CDH20: variants seen among roughly 807,000 people sequenced by gnomAD.
The protein encoded by CDH20 is cadherin-20.
In CDH20, 29 loss-of-function variants were observed where a neutral mutation model predicts 74.2. That is an observed-to-expected ratio of 0.39 (90% CI 0.29 to 0.53). The LOEUF is 0.53. Ranked by LOEUF, CDH20 falls within the 20% of genes least tolerant of loss-of-function variation. The probability of loss-of-function intolerance (pLI) is 0.69; values close to 1 mark genes in which losing one functional copy is unlikely to be tolerated. For synonymous variants in CDH20, 469 were observed against 405.4 expected, an observed-to-expected ratio of 1.16 and a Z score of -1.88; for missense variants, 988 against 1,048.3, an observed-to-expected ratio of 0.94 and a Z score of 0.79.
chr18:61,509,817 T>A (rs920329121), intron 6 of CDH20, among the ~76,000 whole-genome samples: 3 of 152,046 alleles, frequency 2.0e-5, no homozygotes, highest in African/African-American at 4.8e-5. Context: ...GTAGTGGGAA[T>A]GGAGGTGATA....
At chr18:61,526,406 G>A (rs1912416477) in intron 6 of CDH20, among the ~76,000 whole-genome samples, 1 of 151,838 alleles carries the variant, frequency 6.6e-6, no homozygotes, top group Admixed American at 6.6e-5. Flanking sequence ...TGTTTAAATG[G>A]GTACATGCCT....
chr18:61,422,017 A>G (rs1212894821), intron 1 of CDH20, among the ~76,000 whole-genome samples: 5 of 152,166 alleles, frequency 3.3e-5, no homozygotes, highest in Non-Finnish European at 7.4e-5. Flanking sequence ...TACCATGCTT[A>G]CTGTACTTAC....
intron 1 of CDH20, among the ~76,000 whole-genome samples, chr18:61,447,322 C>T (rs1224999558): frequency 1.3e-5 from 2 of 152,178 alleles, no homozygotes; most frequent in Non-Finnish European, 2.9e-5. Flanking sequence ...ATTCACAATA[C>T]TGGAGGCATT....
chr18:61,554,408 A>C lies in CDH20; in HGVS notation c.2119A>C (p.Ser707Arg). Residue 707 changes from serine to arginine, a missense_variant, in exon 12 of 12, where the codon AGC becomes CGC. Transcript: ENST00000262717. ...TRQDMLPEIE[S>R]LSRYVPQTCA... is the part of the protein sequence containing the mutation. ...GCAGGACATGCTGCCCGAGATCGAG[A>C]GCCTCTCCCGCTACGTGCCTCAGAC... is the stretch of plus-strand genomic sequence containing the variant. The C allele has an allele frequency of 6.2e-7, 1 of 1,612,962 alleles. No homozygotes were observed.
At chr18:61,485,576 T>C in intron 1 of CDH20, among the ~76,000 whole-genome samples, 1 of 152,152 alleles carries the variant, frequency 6.6e-6, no homozygotes, top group Non-Finnish European at 1.5e-5. Flanking sequence ...AGAACCTCTG[T>C]AGTAAATGAA....
chr18:61,352,515 G>T (rs1910339480), intron 1 of CDH20, among the ~76,000 whole-genome samples: 1 of 152,072 alleles, frequency 6.6e-6, no homozygotes, highest in African/African-American at 2.4e-5. Context: ...GACATTTGTT[G>T]TACTAATTAT....
At chr18:61,449,131 C>T (rs1658651750) in intron 1 of CDH20, among the ~76,000 whole-genome samples, 1 of 152,152 alleles carries the variant, frequency 6.6e-6, no homozygotes, top group Non-Finnish European at 1.5e-5. Flanking sequence ...TGAGCCCAAA[C>T]CCTCCACCTT....
At chr18:61,449,020 G>A (rs1909291472) in intron 1 of CDH20, among the ~76,000 whole-genome samples, 1 of 152,154 alleles carries the variant, frequency 6.6e-6, no homozygotes, top group South Asian at 2.1e-4. Flanking sequence ...AGAAGCTACT[G>A]ATGGCTTTCA....
chr18:61,429,542 C>T (rs574353286), intron 1 of CDH20, among the ~76,000 whole-genome samples: 6 of 152,140 alleles, frequency 3.9e-5, no homozygotes, highest in Admixed American at 1.3e-4. Flanking sequence ...GAAGAGAAAT[C>T]GTGTTTTTCT....
At chr18:61,535,461 C>G (rs1912789943) in intron 7 of CDH20, among the ~76,000 whole-genome samples, 1 of 152,138 alleles carries the variant, frequency 6.6e-6, no homozygotes, top group African/African-American at 2.4e-5. Flanking sequence ...CATGCCTGAG[C>G]CTCCATCCAT....
chr18:61,360,732 T>A (rs980284124), intron 1 of CDH20, among the ~76,000 whole-genome samples: 1 of 152,164 alleles, frequency 6.6e-6, no homozygotes, highest in African/African-American at 2.4e-5. Context: ...GCATGACAGG[T>A]TAAGTGAATA....
At chr18:61,403,070 A>G (rs1395030146) in intron 1 of CDH20, among the ~76,000 whole-genome samples, 1 of 152,190 alleles carries the variant, frequency 6.6e-6, no homozygotes, top group Non-Finnish European at 1.5e-5. Context: ...ATGGTGCAAT[A>G]CAAGTCTAAA....
intron 6 of CDH20, among the ~76,000 whole-genome samples, chr18:61,508,148 G>C (rs1245150246): frequency 2.6e-5 from 4 of 152,108 alleles, no homozygotes; most frequent in Admixed American, 6.5e-5. Context: ...TGGATATACT[G>C]AGCTAGAAGA....
At chr18:61,412,407 C>T (rs1225266337) in intron 1 of CDH20, among the ~76,000 whole-genome samples, 1 of 152,076 alleles carries the variant, frequency 6.6e-6, no homozygotes, top group East Asian at 1.9e-4. Context: ...CTTTTAACAA[C>T]AATTTGGAAA....
At chr18:61,444,505 A>G (rs1020178055) in intron 1 of CDH20, among the ~76,000 whole-genome samples, 1 of 152,116 alleles carries the variant, frequency 6.6e-6, no homozygotes, top group African/African-American at 2.4e-5. Context: ...CAGCTATGGG[A>G]AAAGTTGGTA....
intron 1 of CDH20, among the ~76,000 whole-genome samples, chr18:61,396,053 T>TG (rs1568123818): frequency 1.6e-3 from 235 of 142,826 alleles, no homozygotes; most frequent in African/African-American, 5.4e-3. Flanking sequence ...GTGTGTGTGT[T>TG]TGTGTGTGTG....
chr18:61,437,050 G>T (rs1298826509), intron 1 of CDH20, among the ~76,000 whole-genome samples: 1 of 152,136 alleles, frequency 6.6e-6, no homozygotes, highest in Non-Finnish European at 1.5e-5. Context: ...GGCACTCAAT[G>T]AATAATGGTT....
At position 61,490,694 on chromosome 18, in the gene CDH20, G is replaced by A. The variant is rs1910928914; in HGVS notation, c.141G>A (p.Leu47=). ...PTPQGELEAL[L]SDKPQSHQRT... is the part of the protein sequence containing the mutation. ...CACAAGGTGAATTAGAAGCACTCCT[G>A]TCAGACAAGCCACAGTCACATCAGC... Residue 47 remains leucine (L), a synonymous_variant, in exon 2 of 12, where the codon CTG becomes CTA. Coordinates refer to ENST00000262717, the MANE Select transcript of CDH20 (RefSeq NM_031891.4). 4 of 1,613,996 alleles carry A rather than the reference G, an allele frequency of 2.5e-6. No homozygotes were observed. Among genetic ancestry groups the A allele is most frequent in the Non-Finnish European group, 3.4e-6 (4 of 1,180,030 alleles).
chr18:61,340,397 G>A (rs1458153070), intron 1 of CDH20, among the ~76,000 whole-genome samples: 5 of 152,008 alleles, frequency 3.3e-5, no homozygotes, highest in Admixed American at 2.0e-4. Context: ...AGAGAGGGTT[G>A]TTTACTAGGA....
Sources: allele counts gnomAD v4.1 joint callset (sites outside exome capture counted in the v4.1 genomes callset), GRCh38; gene constraint gnomAD v4.1.1; transcripts MANE v1.5; gene names NCBI Gene and HGNC (gene_info 2026-07-23, HGNC 2026-07-21).